Variants in RAB10 observed in about 807,000 individuals in gnomAD.
RAB10 encodes ras-related protein Rab-10.
RAB10 carries 5 observed loss-of-function variants against 25.7 expected under a neutral mutation model. The observed-to-expected ratio is 0.19, with a 90% confidence interval of 0.10 to 0.41. The LOEUF (loss-of-function observed/expected upper bound fraction) is 0.41. RAB10 is among the 10% of genes least tolerant of loss of function. The pLI, the probability that RAB10 is intolerant of heterozygous loss-of-function variation, is 1.00. For missense variants in RAB10, 103 were observed against 245.8 expected, an observed-to-expected ratio of 0.42 and a Z score of 3.89; for synonymous variants, 89 against 86.4, an observed-to-expected ratio of 1.03 and a Z score of -0.16.
At chr2:26,111,798 C>A (rs1667578045) in intron 3 of RAB10, among the ~76,000 whole-genome samples, 1 of 152,160 alleles carries the variant, frequency 6.6e-6, no homozygotes, top group Non-Finnish European at 1.5e-5. Context: ...TATTCTGACA[C>A]TGACTACCCT....
chr2:26,071,421 C>T (rs1289022151), intron 1 of RAB10, among the ~76,000 whole-genome samples: 2 of 152,184 alleles, frequency 1.3e-5, no homozygotes, highest in Non-Finnish European at 2.9e-5. Context: ...GGCGCGGTGG[C>T]CCACTCCTGT....
At chr2:26,049,232 C>T (rs1304950163) in intron 1 of RAB10, among the ~76,000 whole-genome samples, 1 of 149,154 alleles carries the variant, frequency 6.7e-6, no homozygotes, top group Non-Finnish European at 1.5e-5. Flanking sequence ...TGATTGCTCC[C>T]GTACCATTTA....
At chr2:26,055,709 G>A (rs564134323) in intron 1 of RAB10, among the ~76,000 whole-genome samples, 70 of 151,580 alleles carry the variant, frequency 4.6e-4, no homozygotes, top group African/African-American at 1.6e-3. Context: ...GTTTGTAGTA[G>A]AGATGGGGTT....
At chr2:26,112,932 AT>A (rs1372582892) in intron 3 of RAB10, among the ~76,000 whole-genome samples, 4 of 151,912 alleles carry the variant, frequency 2.6e-5, no homozygotes, top group African/African-American at 9.7e-5. Context: ...AACACAAAAA[AT>A]TAGCCGGGCA....
chr2:26,090,502 C>CTT (rs35732202), intron 1 of RAB10, among the ~76,000 whole-genome samples: 1,456 of 143,520 alleles, frequency 0.01, 22 homozygotes, highest in East Asian at 0.047. Flanking sequence ...GTTTTCTTGC[C>CTT]TTTTTTTTTT....
chr2:26,076,652 T>C (rs1227368316), intron 1 of RAB10, among the ~76,000 whole-genome samples: 1 of 151,946 alleles, frequency 6.6e-6, no homozygotes, highest in East Asian at 1.9e-4. Context: ...TTTAGAAAAG[T>C]GTCAAAAGAG....
At chr2:26,104,357 T>A (rs1345132804) in intron 2 of RAB10, among the ~76,000 whole-genome samples, 1 of 152,260 alleles carries the variant, frequency 6.6e-6, no homozygotes, top group Non-Finnish European at 1.5e-5. Context: ...CTTAAGTGTT[T>A]ATTGGCTATT....
At chr2:26,094,477 C>T (rs1667169793) in intron 1 of RAB10, among the ~76,000 whole-genome samples, 1 of 152,108 alleles carries the variant, frequency 6.6e-6, no homozygotes, top group South Asian at 2.1e-4. Flanking sequence ...GTCTCAAACT[C>T]CTGACCTCAG....
intron 1 of RAB10, among the ~76,000 whole-genome samples, chr2:26,055,903 C>T (rs58430023): frequency 0.034 from 5,037 of 148,338 alleles, 276 homozygotes; most frequent in African/African-American, 0.12. Flanking sequence ...ACTTTTTTTT[C>T]TTTTTTTTTT....
chr2:26,131,269 AC>A (rs1462295595), intron 5 of RAB10, among the ~76,000 whole-genome samples: 1 of 152,094 alleles, frequency 6.6e-6, no homozygotes, highest in African/African-American at 2.4e-5. Flanking sequence ...CATAGCTTGT[AC>A]GCTAAAGAAA....
At chr2:26,068,707 A>T (rs943660692) in intron 1 of RAB10, among the ~76,000 whole-genome samples, 30 of 152,186 alleles carry the variant, frequency 2.0e-4, no homozygotes, top group African/African-American at 7.0e-4. Context: ...TGTTTGAGAA[A>T]TGTGTGCTTA....
chr2:26,099,868 A>G (rs1231907327), intron 2 of RAB10, among the ~76,000 whole-genome samples: 3 of 151,516 alleles, frequency 2.0e-5, no homozygotes, highest in Non-Finnish European at 4.4e-5. Context: ...TCTAGATCCC[A>G]TTTTCATTTA....
At chr2:26,038,856 C>T (rs1041210765) in intron 1 of RAB10, among the ~76,000 whole-genome samples, 61 of 144,942 alleles carry the variant, frequency 4.2e-4, no homozygotes, top group Non-Finnish European at 6.9e-4. Context: ...CAGAAGGTGG[C>T]GGAGCTTGCA....
intron 1 of RAB10, among the ~76,000 whole-genome samples, chr2:26,084,132 C>T (rs1325070177): frequency 6.6e-6 from 1 of 152,188 alleles, no homozygotes; most frequent in Non-Finnish European, 1.5e-5. Flanking sequence ...GCCTGGAACA[C>T]TCTCCCCAAA....
intron 1 of RAB10, among the ~76,000 whole-genome samples, chr2:26,062,247 A>G (rs1666414132): frequency 6.6e-6 from 1 of 152,246 alleles, no homozygotes; most frequent in South Asian, 2.1e-4. Flanking sequence ...AAATACTATA[A>G]TCCTTCATTG....
At position 26,079,663 on chromosome 2, in the gene RAB10, T is replaced by C. The variant is rs559956551; in HGVS notation, c.128-18999T>C. Among the ~76,000 whole-genome samples, 11 of 152,254 alleles carry C rather than the reference T, an allele frequency of 7.2e-5. No individual in the cohort carries two copies. The South Asian group carries it at 2.3e-3, about 32-fold the overall frequency. On this transcript the variant is annotated intron_variant, in intron 1 of 5. Coordinates refer to ENST00000264710, the MANE Select transcript of RAB10 (RefSeq NM_016131.5). Reference sequence around the variant, plus strand: ...CCTCCTCCCTTTTCTCCCTCCCTTTTCTCTTCTTTCTTTTCCTTTTTTGAC... The same window carrying C: ...CCTCCTCCCTTTTCTCCCTCCCTTTCCTCTTCTTTCTTTTCCTTTTTTGAC...
intron 2 of RAB10, among the ~76,000 whole-genome samples, 180 bp from the exon 3 acceptor site, chr2:26,109,588 T>A (rs1169579691): frequency 6.6e-6 from 1 of 152,234 alleles, no homozygotes; most frequent in Non-Finnish European, 1.5e-5. Context: ...AACTTGAGTT[T>A]TATGTGTCAC....
intron 1 of RAB10, among the ~76,000 whole-genome samples, chr2:26,045,879 AAG>A (rs573803010): frequency 1.9e-3 from 281 of 151,390 alleles, no homozygotes; most frequent in African/African-American, 6.6e-3. Flanking sequence ...TATATAAAAA[AAG>A]AGTTTAAAGG....
intron 4 of RAB10, 26 bp from the exon 5 acceptor site, chr2:26,127,824 A>G (rs769840237): frequency 6.6e-7 from 1 of 1,516,724 alleles, no homozygotes; most frequent in Middle Eastern, 1.7e-4. Context: ...TGATAATTTT[A>G]TGATGATATT....
Sources: allele counts gnomAD v4.1 joint callset (sites outside exome capture counted in the v4.1 genomes callset), GRCh38; gene constraint gnomAD v4.1.1; transcripts MANE v1.5; gene names NCBI Gene and HGNC (gene_info 2026-07-23, HGNC 2026-07-21).